Variants in AFF3 observed in about 807,000 individuals in gnomAD.
AFF3 encodes the protein ALF transcription elongation factor 3.
AFF3 carries 32 observed loss-of-function variants against 129.7 expected under a neutral mutation model. That is an observed-to-expected ratio of 0.25 (90% CI 0.19 to 0.33). The LOEUF (loss-of-function observed/expected upper bound fraction) is 0.33, where lower values mean the gene tolerates loss of function less well. AFF3 is among the 10% of genes least tolerant of loss of function. AFF3 has a pLI of 1.00. For missense variants in AFF3, 1,373 were observed against 1,592.0 expected, an observed-to-expected ratio of 0.86 and a Z score of 2.34; for synonymous variants, 644 against 635.4, an observed-to-expected ratio of 1.01 and a Z score of -0.20.
In AFF3 at chr2:100,056,332, T is replaced by G. The variant is rs1686784667; in HGVS notation, c.54-47400A>C. ...CTCCCATTACTCACTGCTGCCTTAT[T>G]ATATGTTCACAAACGTCTGCTTAAT... On this transcript the variant is annotated intron_variant, in intron 4 of 24. Transcript: ENST00000672756. Among the ~76,000 whole-genome samples, 4 of 152,214 alleles carry G rather than the reference T, an allele frequency of 2.6e-5. No individual in the cohort carries two copies. The South Asian group carries it at 8.3e-4, about 32-fold the overall frequency.
intron 13 of AFF3, among the ~76,000 whole-genome samples, chr2:99,633,268 G>T (rs113815086): frequency 2.6e-4 from 39 of 152,274 alleles, no homozygotes; most frequent in African/African-American, 8.9e-4. Context: ...ACAAGCTGGG[G>T]TTTGCTGTCC....
chr2:100,132,293 A>G (rs1020403710), intron 1 of AFF3, among the ~76,000 whole-genome samples: 1 of 152,232 alleles, frequency 6.6e-6, no homozygotes, highest in East Asian at 1.9e-4. Flanking sequence ...ATGAATACAT[A>G]TGTTAAATGG....
chr2:99,972,146 A>C (rs1678448363), intron 7 of AFF3, among the ~76,000 whole-genome samples: 1 of 152,190 alleles, frequency 6.6e-6, no homozygotes, highest in Middle Eastern at 3.2e-3. Flanking sequence ...TAGGCATCAC[A>C]CAAATGTATT....
intron 18 of AFF3, among the ~76,000 whole-genome samples, chr2:99,569,816 A>C (rs1676312901): frequency 2.0e-5 from 3 of 152,320 alleles, no homozygotes; most frequent in South Asian, 2.1e-4. Flanking sequence ...GACTCTCTGA[A>C]CGGGAGATTC....
chr2:100,055,124 C>T (rs1686657983), intron 4 of AFF3, among the ~76,000 whole-genome samples: 1 of 152,122 alleles, frequency 6.6e-6, no homozygotes, highest in Admixed American at 6.5e-5. Context: ...TAACCCTTAA[C>T]TCATTTTCAC....
chr2:99,565,441 C>T (rs768472382), intron 20 of AFF3, 46 bp downstream of exon 20: 2 of 1,600,386 alleles, frequency 1.2e-6, no homozygotes, highest in Non-Finnish European at 1.7e-6. Flanking sequence ...TGCTTCCACA[C>T]ATTCCTCACT....
chr2:99,736,370 T>TA (rs1328115786), intron 10 of AFF3, among the ~76,000 whole-genome samples: 1 of 152,228 alleles, frequency 6.6e-6, no homozygotes, highest in African/African-American at 2.4e-5. Flanking sequence ...TTAACTGTAG[T>TA]AATGCTTTTT....
intron 14 of AFF3, among the ~76,000 whole-genome samples, chr2:99,595,704 G>A (rs1474059251): frequency 6.6e-6 from 1 of 152,220 alleles, no homozygotes; most frequent in South Asian, 2.1e-4. Context: ...AGGCACTGAG[G>A]ATTTCAGAAG....
At chr2:99,641,453 G>A (rs1684183460) in intron 13 of AFF3, among the ~76,000 whole-genome samples, 1 of 152,140 alleles carries the variant, frequency 6.6e-6, no homozygotes, top group Non-Finnish European at 1.5e-5. Context: ...TGGGGTGGGT[G>A]GATCACCTGA....
chr2:99,673,257 G>T (rs1687326038), intron 11 of AFF3, among the ~76,000 whole-genome samples: 1 of 151,990 alleles, frequency 6.6e-6, no homozygotes, highest in Non-Finnish European at 1.5e-5. Flanking sequence ...CCATCCATCA[G>T]TCAAAGAGCT....
At chr2:100,014,836 T>C (rs1559058070) in intron 4 of AFF3, among the ~76,000 whole-genome samples, 1 of 141,614 alleles carries the variant, frequency 7.1e-6, no homozygotes, top group East Asian at 2.0e-4. Flanking sequence ...CAGGCTGGAG[T>C]GCAGCAGGGT....
At chr2:99,777,700 T>C (rs1313628377) in intron 8 of AFF3, among the ~76,000 whole-genome samples, 1 of 152,096 alleles carries the variant, frequency 6.6e-6, no homozygotes, top group Non-Finnish European at 1.5e-5. Flanking sequence ...TGGCAGGCTT[T>C]CTACCTGGTT....
intron 4 of AFF3, among the ~76,000 whole-genome samples, chr2:100,018,517 T>C (rs1683320271): frequency 6.6e-6 from 1 of 152,190 alleles, no homozygotes; most frequent in Non-Finnish European, 1.5e-5. Context: ...AGAACAAGTG[T>C]CAGGCTCTAA....
intron 7 of AFF3, among the ~76,000 whole-genome samples, chr2:99,895,209 A>G (rs1384223329): frequency 1.3e-5 from 2 of 152,250 alleles, no homozygotes; most frequent in African/African-American, 4.8e-5. Flanking sequence ...ATCAAGCTCG[A>G]AGGGCTCACA....
Position 99,777,586 on chromosome 2 carries a change from G to A in AFF3, c.922-25285C>T, listed in dbSNP as rs145616767. Among the ~76,000 whole-genome samples, 113 of 152,240 alleles carry A rather than the reference G, an allele frequency of 7.4e-4. No homozygotes were observed. The East Asian group carries it at 0.02, about 27-fold the overall frequency. On this transcript the variant is annotated intron_variant, in intron 8 of 24. Transcript: ENST00000672756. Reference sequence around the variant, plus strand: ...GGTTGGGTTAAGCATTCCCATCTGCGTGCCCTGGTAAGCTTCTCCAATAGA... The same window carrying A: ...GGTTGGGTTAAGCATTCCCATCTGCATGCCCTGGTAAGCTTCTCCAATAGA...
chr2:99,611,745 G>C (rs569649931), intron 13 of AFF3, among the ~76,000 whole-genome samples: 3 of 152,092 alleles, frequency 2.0e-5, no homozygotes, highest in Non-Finnish European at 4.4e-5. Flanking sequence ...AAATTAGCTG[G>C]GTGTGGTGGC....
intron 17 of AFF3, among the ~76,000 whole-genome samples, chr2:99,581,490 A>C (rs1677539667): frequency 6.6e-6 from 1 of 151,018 alleles, no homozygotes; most frequent in South Asian, 2.1e-4. Context: ...TCCCTCCCTC[A>C]TCTTTCTCAT....
At chr2:100,018,993 C>T (rs1294788256) in intron 4 of AFF3, among the ~76,000 whole-genome samples, 2 of 152,192 alleles carry the variant, frequency 1.3e-5, no homozygotes, top group African/African-American at 2.4e-5. Flanking sequence ...GCTATCTACA[C>T]AATGAGTCAT....
intron 11 of AFF3, among the ~76,000 whole-genome samples, chr2:99,713,805 T>C (rs1678132826): frequency 6.6e-6 from 1 of 151,526 alleles, no homozygotes; most frequent in Non-Finnish European, 1.5e-5. Context: ...TTCAAGCAAT[T>C]CTCCTGCCTC....
Sources: gnomAD v4.1 joint callset for allele counts (sites outside exome capture counted in the v4.1 genomes callset) on GRCh38, gnomAD v4.1.1 for gene constraint, MANE v1.5 for transcripts, NCBI Gene and HGNC (gene_info 2026-07-23, HGNC 2026-07-21) for gene names.